CTNNA3: variants seen among roughly 807,000 people sequenced by gnomAD.
The protein encoded by CTNNA3 is catenin alpha 3.
A neutral mutation model predicts 95.7 loss-of-function variants in CTNNA3; 76 were observed. The observed-to-expected ratio is 0.79, with a 90% confidence interval of 0.66 to 0.96. The LOEUF (loss-of-function observed/expected upper bound fraction) is 0.96, where lower values mean the gene tolerates loss of function less well. Among genes scored for constraint, CTNNA3 ranks in the 40% least tolerant of loss-of-function variants. CTNNA3 has a pLI of 0.00. For missense variants in CTNNA3, 1,191 were observed against 1,089.8 expected (o/e 1.09, Z -1.31); for synonymous variants, 431 against 374.4 (o/e 1.15, Z -1.74).
At chr10:67,648,914 T>C in intron 1 of CTNNA3, 1 of 752,350 alleles carries the variant, frequency 1.3e-6, no homozygotes, top group Non-Finnish European at 1.9e-6. Flanking sequence ...TTTAGTTTGG[T>C]TTGGTTTTGA....
chr10:66,250,834 C>G, intron 13 of CTNNA3, among the ~76,000 whole-genome samples: 1 of 152,164 alleles, frequency 6.6e-6, no homozygotes, highest in East Asian at 1.9e-4. Flanking sequence ...TTTTCTCTAT[C>G]TTTTAGCTTC....
intron 5 of CTNNA3, among the ~76,000 whole-genome samples, chr10:67,509,366 G>A (rs1000729043): frequency 3.3e-5 from 5 of 152,006 alleles, no homozygotes; most frequent in Admixed American, 1.3e-4. Flanking sequence ...GACAGGCCTC[G>A]GTGTGTGATG....
rs1365186708 is a variant in CTNNA3 at position 66,022,580 on chromosome 10, C to T, written c.2160-33783G>A. Among the ~76,000 whole-genome samples, 4 of 151,342 alleles carry T rather than the reference C, an allele frequency of 2.6e-5. 1 individual carries two copies. In the East Asian group the frequency reaches 7.8e-4, roughly 29 times the overall value. On this transcript the variant is annotated intron_variant, in intron 15 of 17. Transcript: ENST00000433211. Reference sequence around the variant, plus strand: ...TACACTTGCTTTACCAGTAGCATGACACCCAGGATATGCACATGACACACA... The same window carrying T: ...TACACTTGCTTTACCAGTAGCATGATACCCAGGATATGCACATGACACACA...
chr10:67,283,906 T>C (rs76512752), intron 5 of CTNNA3, among the ~76,000 whole-genome samples: 158 of 152,330 alleles, frequency 1.0e-3, no homozygotes, highest in African/African-American at 3.6e-3. Context: ...TCATTGAATC[T>C]CAGCCTAAAA....
intron 16 of CTNNA3, among the ~76,000 whole-genome samples, chr10:65,967,998 A>T (rs1461121732): frequency 2.6e-5 from 4 of 152,208 alleles, no homozygotes; most frequent in Admixed American, 6.5e-5. Flanking sequence ...GTATCAAGAA[A>T]ATAGAGTTTC....
At chr10:67,005,692 T>TTTTTTTTGTTTTG (rs1564826069) in intron 7 of CTNNA3, among the ~76,000 whole-genome samples, 1 of 123,170 alleles carries the variant, frequency 8.1e-6, no homozygotes, top group African/African-American at 2.8e-5. Flanking sequence ...CTTTTTTTTT[T>TTTTTTTTGTTTTG]TTTTTTTTTT....
In CTNNA3 at chr10:66,450,340, A is replaced by G. The variant is rs556363375; in HGVS notation, c.1531+70277T>C. On this transcript the variant is annotated intron_variant, in intron 11 of 17. Transcript: ENST00000433211. ...TAACATAAATATAGCTGGGAGAAAT[A>G]ACCTGTAAACTGAAAGCAAATCTAA... Among the ~76,000 whole-genome samples the G allele has an allele frequency of 2.6e-5, 4 of 152,248 alleles. No individual in the cohort carries two copies. In the South Asian group the frequency reaches 8.3e-4, roughly 32 times the overall value.
chr10:67,045,641 T>G (rs1179070858), intron 7 of CTNNA3, among the ~76,000 whole-genome samples: 1 of 152,158 alleles, frequency 6.6e-6, no homozygotes, highest in African/African-American at 2.4e-5. Context: ...TTCCCAGGAC[T>G]AGGGGCACTC....
At position 66,554,557 on chromosome 10, in the gene CTNNA3, A is replaced by AT. The variant is rs200849413; in HGVS notation, c.1375-33785dup. 1.0e-3 allele frequency among the ~76,000 whole-genome samples: 159 copies of AT among 151,582 alleles called. No individual in the cohort carries two copies. The East Asian group carries it at 0.023, about 22-fold the overall frequency. ...GCATTCCAGTCCTTTGTATCTTTGC[A>AT]TTTTTTTTCTGGAGAATACCATGCA... is the stretch of plus-strand genomic sequence containing the variant. On this transcript the variant is annotated intron_variant, in intron 10 of 17. Transcript: ENST00000433211.
chr10:66,424,957 A>C (rs1267877377), intron 11 of CTNNA3, among the ~76,000 whole-genome samples: 1 of 152,104 alleles, frequency 6.6e-6, no homozygotes, highest in Non-Finnish European at 1.5e-5. Context: ...TCTATAAAAA[A>C]TTAAAAATTA....
intron 7 of CTNNA3, among the ~76,000 whole-genome samples, chr10:66,787,269 T>G (rs1840785577): frequency 6.6e-6 from 1 of 152,022 alleles, no homozygotes; most frequent in Non-Finnish European, 1.5e-5. Flanking sequence ...CTGATCACTA[T>G]GTACTAAATG....
At chr10:66,284,713 T>A (rs188349218) in intron 12 of CTNNA3, among the ~76,000 whole-genome samples, 25 of 152,052 alleles carry the variant, frequency 1.6e-4, no homozygotes, top group Admixed American at 8.5e-4. Flanking sequence ...ATCACCAAAT[T>A]GTTTTCTACC....
intron 10 of CTNNA3, among the ~76,000 whole-genome samples, chr10:66,618,868 AAAAC>A (rs1455637553): frequency 4.6e-5 from 7 of 152,298 alleles, no homozygotes; most frequent in Middle Eastern, 3.4e-3. Flanking sequence ...TTACAAGAAA[AAAAC>A]AAACAACCCC....
chr10:66,167,919 G>C (rs2085218927), intron 13 of CTNNA3, among the ~76,000 whole-genome samples: 1 of 152,144 alleles, frequency 6.6e-6, no homozygotes, highest in Admixed American at 6.5e-5. Flanking sequence ...GATACACCTA[G>C]TCATCGGCTA....
intron 9 of CTNNA3, among the ~76,000 whole-genome samples, chr10:66,761,397 G>A (rs1045016661): frequency 1.2e-4 from 19 of 152,006 alleles, no homozygotes; most frequent in African/African-American, 4.4e-4. Flanking sequence ...GACAAACCTG[G>A]CTTTCCACAT....
intron 1 of CTNNA3, among the ~76,000 whole-genome samples, chr10:67,710,706 ATTGTCTT>A (rs2133610678): frequency 6.6e-6 from 1 of 152,290 alleles, no homozygotes; most frequent in South Asian, 2.1e-4. Flanking sequence ...CATTATCTGT[ATTGTCTT>A]TTCTTTATCT....
At chr10:67,751,632 A>T (rs1403233679) in intron 1 of CTNNA3, among the ~76,000 whole-genome samples, 1 of 152,188 alleles carries the variant, frequency 6.6e-6, no homozygotes, top group Non-Finnish European at 1.5e-5. Context: ...GATGAAGGAG[A>T]TATCATCAAT....
At chr10:67,644,750 T>C (rs1180843636) in intron 2 of CTNNA3, among the ~76,000 whole-genome samples, 1 of 151,962 alleles carries the variant, frequency 6.6e-6, no homozygotes, top group Non-Finnish European at 1.5e-5. Context: ...TAAGTTGATA[T>C]TATATAAATT....
At chr10:67,307,416 C>A (rs1192326948) in intron 5 of CTNNA3, among the ~76,000 whole-genome samples, 1 of 152,134 alleles carries the variant, frequency 6.6e-6, no homozygotes, top group Non-Finnish European at 1.5e-5. Flanking sequence ...CATGAAAAGC[C>A]TTTGCAGTCC....
Sources: allele counts gnomAD v4.1 joint callset (sites outside exome capture counted in the v4.1 genomes callset), GRCh38; gene constraint gnomAD v4.1.1; transcripts MANE v1.5; gene names NCBI Gene and HGNC (gene_info 2026-07-23, HGNC 2026-07-21).